DISP2: variants seen among roughly 807,000 people sequenced by gnomAD.
The protein encoded by DISP2 is dispatched RND transporter family member 2.
A neutral mutation model predicts 95.5 loss-of-function variants in DISP2; 59 were observed. That is an observed-to-expected ratio of 0.62 (90% CI 0.50 to 0.77). The LOEUF (loss-of-function observed/expected upper bound fraction) is 0.77. Among genes scored for constraint, DISP2 ranks in the 30% least tolerant of loss-of-function variants. DISP2 has a pLI of 0.00. For missense variants in DISP2, 1,752 were observed against 1,854.6 expected (o/e 0.94, Z 1.02); for synonymous variants, 827 against 815.0 (o/e 1.01, Z -0.25).
rs1218185077 is a variant in DISP2 at position 40,371,742 on chromosome 15, G to A, written c.*1424G>A. Reference sequence around the variant, plus strand: ...CATGTGAGAGCTCATGACACCAGGTGGCATCAACATGTTTATTGAACACCT... The same window carrying A: ...CATGTGAGAGCTCATGACACCAGGTAGCATCAACATGTTTATTGAACACCT... On this transcript the variant is annotated 3_prime_UTR_variant, in exon 8 of 8. Transcript: ENST00000267889. The A allele has an allele frequency of 2.6e-5, 4 of 152,152 alleles. No homozygotes were observed. The highest frequency in any genetic ancestry group is 4.4e-5 in the Non-Finnish European group (3 of 68,024). 9.4% of individuals were successfully genotyped at this position (152,152 alleles called of 1,614,324 possible).
chr15:40,368,231 ATC>A lies in DISP2; in HGVS notation c.2121_2122del (p.Ile707MetfsTer84). The A allele has an allele frequency of 6.2e-7, 1 of 1,610,742 alleles. No homozygotes were observed. Among genetic ancestry groups the A allele is most frequent in the South Asian group, 1.1e-5 (1 of 91,034 alleles). ...CGVIKFRYIW[I>X]CWFAALAAGG... ...CGTCATCAAGTTCCGCTACATCTGGATCTGCTGGTTCGCAGCACTGGCGGCAG... is the reference window on the plus strand; with the variant it reads ...CGTCATCAAGTTCCGCTACATCTGGATGCTGGTTCGCAGCACTGGCGGCAG... On this transcript the variant is annotated frameshift_variant, in exon 8 of 8. Coordinates refer to ENST00000267889, the MANE Select transcript of DISP2 (RefSeq NM_033510.3). LOFTEE classifies it high-confidence loss of function.
chr15:40,365,116 G>A, intron 5 of DISP2, 31 bp from the exon 6 acceptor site: 3 of 1,608,736 alleles, frequency 1.9e-6, no homozygotes, highest in Non-Finnish European at 2.5e-6. Context: ...AACCCTAATG[G>A]TGCCTGGCAT....
Position 40,367,777 on chromosome 15 carries a change from C to T in DISP2, c.1665C>T (p.Cys555=), listed in dbSNP as rs369116803. The T allele has an allele frequency of 1.7e-5, 27 of 1,609,436 alleles. No homozygotes were observed. Among genetic ancestry groups the T allele is most frequent in the African/African-American group, 5.3e-5 (4 of 74,922 alleles). ...LAALLLLSSV[C]ANHTLIFFDL... ...CCCTCCTCCTGCTGAGCAGCGTCTG[C>T]GCCAACCACACGCTCATCTTCTTCG... The change falls in exon 8 of 8, where the codon TGC becomes TGT. Residue 555 remains cysteine, a synonymous_variant. Coordinates refer to ENST00000267889, the MANE Select transcript of DISP2 (RefSeq NM_033510.3).
intron 2 of DISP2, 135 bp downstream of exon 2, chr15:40,364,089 T>A (rs1005613436): frequency 6.7e-7 from 1 of 1,496,978 alleles, no homozygotes; most frequent in African/African-American, 1.4e-5. Flanking sequence ...GGTTGGAACT[T>A]GGGAGTGGCA....
chr15:40,367,014 C>CT, intron 7 of DISP2, 44 bp from the exon 8 acceptor site: 2 of 1,594,096 alleles, frequency 1.3e-6, no homozygotes, highest in Non-Finnish European at 8.5e-7. Context: ...AACCTGAGCC[C>CT]TTGGGCTGCC....
intron 1 of DISP2, among the ~76,000 whole-genome samples, chr15:40,363,102 G>C (rs1889431156): frequency 1.3e-5 from 2 of 150,576 alleles, no homozygotes; most frequent in South Asian, 4.2e-4. Flanking sequence ...AGGAGATCAA[G>C]ACCATCCTGA....
At position 40,372,997 on chromosome 15, in the gene DISP2, C is replaced by T. The variant is rs991446890; in HGVS notation, c.*2679C>T. On this transcript the variant is annotated 3_prime_UTR_variant, in exon 8 of 8. Transcript: ENST00000267889. ...TTTATGTTGCCAGGCCCAGAAGAAC[C>T]CAGCAGTAATCTAAAACATTACCTT... The T allele has an allele frequency of 4.6e-5, 7 of 152,160 alleles. No homozygotes were observed. The highest frequency in any genetic ancestry group is 1.4e-4 in the African/African-American group (6 of 41,426). 9.4% of individuals were successfully genotyped at this position (152,160 alleles called of 1,614,324 possible).
chr15:40,358,514 C>G (rs965773638), intron 1 of DISP2, 74 bp downstream of exon 1: 1 of 1,095,574 alleles, frequency 9.1e-7, no homozygotes, highest in African/African-American at 1.6e-5. Flanking sequence ...TCCCCAGTAG[C>G]CGCCATATGT....
At position 40,369,902 on chromosome 15, in the gene DISP2, C is replaced by T. The variant is rs769536187; in HGVS notation, c.3790C>T (p.Pro1264Ser). Residue 1264 changes from proline (P) to serine (S), a missense_variant, in exon 8 of 8, where the codon CCA becomes TCA. Coordinates refer to ENST00000267889, the MANE Select transcript of DISP2 (RefSeq NM_033510.3). ...GEEAEPLPAS[P>S]EAPAHSPKAK... Reference sequence around the variant, plus strand: ...GGAGGCTGAGCCCCTGCCAGCCTCACCAGAAGCCCCAGCCCACTCTCCTAA... The same window carrying T: ...GGAGGCTGAGCCCCTGCCAGCCTCATCAGAAGCCCCAGCCCACTCTCCTAA... The T allele has an allele frequency of 2.6e-6, 4 of 1,568,118 alleles. No individual in the cohort carries two copies. Among genetic ancestry groups the T allele is most frequent in the African/African-American group, 2.7e-5 (2 of 73,682 alleles).
chr15:40,369,375 T>C lies in DISP2; in HGVS notation c.3263T>C (p.Leu1088Pro), dbSNP rs1240466507. 1 of 1,613,488 alleles carries C rather than the reference T, an allele frequency of 6.2e-7. No individual in the cohort carries two copies. The highest frequency in any genetic ancestry group is 8.5e-7 in the Non-Finnish European group (1 of 1,179,982). The change falls in exon 8 of 8, where the codon CTG (leucine) becomes CCG (proline). Residue 1088 changes from leucine to proline, a missense_variant. This residue lies in a region of DISP2 where 317 missense variants were observed against 394.9 expected (regional missense o/e 0.80). Coordinates refer to ENST00000267889, the MANE Select transcript of DISP2 (RefSeq NM_033510.3). The part of the protein sequence containing the change: ...LPATVLLYRK[L>P]GIILMMVKCV... ...GCCACAGTGCTGCTCTATCGCAAGC[T>C]GGGCATCATCCTCATGATGGTCAAA...
intron 1 of DISP2, among the ~76,000 whole-genome samples, chr15:40,360,235 G>C (rs918779799): frequency 5.9e-5 from 9 of 152,212 alleles, no homozygotes; most frequent in Non-Finnish European, 1.2e-4. Flanking sequence ...ATCCCAGTGA[G>C]GGCCATGGAA....
chr15:40,378,268 T>C lies in DISP2; in HGVS notation c.*7950T>C, dbSNP rs1336612065. On this transcript the variant is annotated 3_prime_UTR_variant, in exon 8 of 8. Transcript: ENST00000267889. ...TAAGTAGAGACTAGGAAGATATTTT[T>C]AAATACCCACTTTGAATTTTAGAGA... 57 of 152,290 alleles carry C rather than the reference T, an allele frequency of 3.7e-4. No individual in the cohort carries two copies. The highest frequency in any genetic ancestry group is 1.3e-3 in the African/African-American group (55 of 41,554). 9.4% of individuals were successfully genotyped at this position (152,290 alleles called of 1,614,324 possible). A position where few individuals can be genotyped will look rare whatever the true frequency, so the allele number is the denominator to read the frequency against.
Position 40,368,512 on chromosome 15 carries a change from C to T in DISP2, c.2400C>T (p.Ala800=). Residue 800 remains alanine, a synonymous_variant, in exon 8 of 8, where the codon GCC becomes GCT. Transcript: ENST00000267889. ...RSNSSLVRDP[A]FSASGPEAQR... is the part of the protein sequence containing the mutation. The stretch of plus-strand genomic sequence containing the variant: ...ACAGCAGCCTGGTGAGGGACCCTGC[C>T]TTCTCGGCCAGCGGCCCTGAGGCCC... The T allele has an allele frequency of 1.2e-6, 2 of 1,606,882 alleles. No individual in the cohort carries two copies. The highest frequency in any genetic ancestry group is 1.7e-6 in the Non-Finnish European group (2 of 1,179,916).
chr15:40,363,903 G>T lies in DISP2; in HGVS notation c.398G>T (p.Arg133Leu), dbSNP rs751360468. ...AGCCCTTCTCCAGCCCCCTCACAGC[G>T]CGATGGGACCTGGAAGCCACCCGCT... ...SLSPSPAPSQ[R>L]DGTWKPPAVQ... Residue 133 changes from arginine to leucine, a missense_variant, in exon 2 of 8, where the codon CGC (arginine) becomes CTC (leucine). Physicochemically the swap from Arg to Leu is moderately radical, Grantham distance 102. Transcript: ENST00000267889. 1.4e-5 allele frequency: 22 copies of T among 1,566,100 alleles called. No individual in the cohort carries two copies. The highest frequency in any genetic ancestry group is 1.8e-5 in the Non-Finnish European group (21 of 1,153,720).
Position 40,364,271 on chromosome 15 carries a change from C to T in DISP2, c.479+16C>T. On this transcript the variant is annotated intron_variant, in intron 3 of 7. Transcript: ENST00000267889. ...TGCCAAAGAGGTAGGCCTGGGCCTTCCCTGGACCTCTAGGGGTGACCAGGC... is the reference window on the plus strand; with the variant it reads ...TGCCAAAGAGGTAGGCCTGGGCCTTTCCTGGACCTCTAGGGGTGACCAGGC... 6.2e-7 allele frequency: 1 copy of T among 1,614,172 alleles called. No individual in the cohort carries two copies. The highest frequency in any genetic ancestry group is 8.5e-7 in the Non-Finnish European group (1 of 1,180,034).
At position 40,376,965 on chromosome 15, in the gene DISP2, G is replaced by A. The variant is rs1216094892; in HGVS notation, c.*6647G>A. The A allele has an allele frequency of 6.6e-6, 1 of 152,202 alleles. No homozygotes were observed. Among genetic ancestry groups the A allele is most frequent in the Non-Finnish European group, 1.5e-5 (1 of 68,050 alleles). 9.4% of individuals were successfully genotyped at this position (152,202 alleles called of 1,614,324 possible). A position where few individuals can be genotyped will look rare whatever the true frequency, so the allele number is the denominator to read the frequency against. ...ACAGAGAGGATAGTCTTTGCAAGTA[G>A]GATGTATGGTGGACATTTTCCCTAA... On this transcript the variant is annotated 3_prime_UTR_variant, in exon 8 of 8. Coordinates refer to ENST00000267889, the MANE Select transcript of DISP2 (RefSeq NM_033510.3).
chr15:40,359,554 G>A lies in DISP2; in HGVS notation c.119+1114G>A, dbSNP rs993116071. Among the ~76,000 whole-genome samples the A allele has an allele frequency of 1.2e-4, 19 of 152,366 alleles. 1 individual carries two copies. The East Asian group carries it at 3.7e-3, about 29-fold the overall frequency. On this transcript the variant is annotated intron_variant, in intron 1 of 7. Transcript: ENST00000267889. Reference sequence around the variant, plus strand: ...TCAAAGATGGGGCAGTGACAGGACAGAGCGAGGACCTGGGGCCAGAAGCAT... The same window carrying A: ...TCAAAGATGGGGCAGTGACAGGACAAAGCGAGGACCTGGGGCCAGAAGCAT...
In DISP2 at chr15:40,368,764, C is replaced by T. The variant is rs1425503833; in HGVS notation, c.2652C>T (p.Pro884=). 3.1e-6 allele frequency: 5 copies of T among 1,613,792 alleles called. No individual in the cohort carries two copies. Among genetic ancestry groups the T allele is most frequent in the East Asian group, 2.2e-5 (1 of 44,886 alleles). The part of the protein sequence containing the change: ...CLKMMALEQG[P]DGTQDLGLRF... The stretch of plus-strand genomic sequence containing the variant: ...AAATGATGGCTCTGGAGCAAGGCCC[C>T]GATGGCACCCAGGACCTGGGACTCC... The change falls in exon 8 of 8, where the codon CCC becomes CCT. Residue 884 remains proline, a synonymous_variant. Transcript: ENST00000267889.
intron 2 of DISP2, 23 bp downstream of exon 2, chr15:40,363,977 G>A: frequency 2.0e-6 from 3 of 1,514,908 alleles, no homozygotes. Flanking sequence ...CCAGCAGCCT[G>A]CCAGCTGCCA....
Sources: allele counts gnomAD v4.1 joint callset (sites outside exome capture counted in the v4.1 genomes callset), GRCh38; gene constraint gnomAD v4.1.1; regional missense constraint gnomAD v4.1.1; transcripts MANE v1.5; gene names NCBI Gene and HGNC (gene_info 2026-07-23, HGNC 2026-07-21).